The following PTPN21 variants were observed in gnomAD, a reference collection of about 807,000 sequenced individuals.
PTPN21 encodes protein tyrosine phosphatase non-receptor type 21, also known as tyrosine-protein phosphatase non-receptor type 21.
Under a neutral mutation model 131.8 loss-of-function variants are expected in PTPN21, and 77 were observed. The observed-to-expected ratio is 0.58, with a 90% CI of 0.49 to 0.71. PTPN21 has a LOEUF of 0.71. PTPN21 is among the 30% of genes least tolerant of loss of function. The pLI is 0.00. For synonymous variants in PTPN21, 715 were observed against 621.3 expected (o/e 1.15, Z -2.24); for missense variants, 1,552 against 1,527.1 (o/e 1.02, Z -0.27).
At chr14:88,501,111 G>T in intron 7 of PTPN21, 170 bp downstream of exon 7, 1 of 702,880 alleles carries the variant, frequency 1.4e-6, no homozygotes, top group Admixed American at 2.7e-5. Context: ...ACCACAAAAT[G>T]GGAATGTGTT....
chr14:88,513,206 C>T (rs1410544595), intron 3 of PTPN21, among the ~76,000 whole-genome samples: 2 of 152,204 alleles, frequency 1.3e-5, no homozygotes, highest in East Asian at 3.9e-4. Flanking sequence ...TCACCGTCGC[C>T]CAGGCTGGAG....
At chr14:88,470,810 G>T (rs1258750335) in intron 15 of PTPN21, among the ~76,000 whole-genome samples, 1 of 152,220 alleles carries the variant, frequency 6.6e-6, no homozygotes, top group Non-Finnish European at 1.5e-5. Context: ...TAGGGAGGAG[G>T]AGGGGACTAG....
chr14:88,508,152 T>TG, intron 3 of PTPN21, 132 bp from the exon 4 acceptor site: 1 of 167,100 alleles, frequency 6.0e-6, no homozygotes. Flanking sequence ...TTGTGTGTGT[T>TG]TTTTTTTTTT....
chr14:88,469,876 G>A lies in PTPN21; in HGVS notation c.3000+46C>T. 1.2e-6 allele frequency: 2 copies of A among 1,612,018 alleles called. No homozygotes were observed. The highest frequency in any genetic ancestry group is 1.7e-6 in the Non-Finnish European group (2 of 1,178,424). On this transcript the variant is annotated intron_variant, in intron 16 of 18. Transcript: ENST00000556564. This position sits in a 1 kb window ranked among gnomAD's most constrained non-coding sequence, Gnocchi z 4.3. ...GGATTCCAGATGATTAACATTAACT[G>A]TTCTTCAGAGGCTGAGAAAATCACT...
chr14:88,475,585 T>C (rs950944764), intron 13 of PTPN21, among the ~76,000 whole-genome samples: 3 of 152,200 alleles, frequency 2.0e-5, no homozygotes, highest in African/African-American at 2.4e-5. Flanking sequence ...AGGCTGAAAT[T>C]TAATGATTCT....
rs530284783 is a variant in PTPN21 at position 88,514,755 on chromosome 14, C to T, written c.350+2337G>A. ...CTGGGATTACAGGTGTGAGCCACCA[C>T]GCCTGGCCCTCCCCCTTTGTTTTCT... On this transcript the variant is annotated intron_variant, in intron 3 of 18. Coordinates refer to ENST00000556564, the MANE Select transcript of PTPN21 (RefSeq NM_007039.4). 4.6e-5 allele frequency among the ~76,000 whole-genome samples: 7 copies of T among 151,712 alleles called. No homozygotes were observed. The South Asian group carries it at 1.0e-3, about 23-fold the overall frequency.
At chr14:88,553,368 A>T (rs2078890507) in intron 1 of PTPN21, among the ~76,000 whole-genome samples, 1 of 152,164 alleles carries the variant, frequency 6.6e-6, no homozygotes, top group African/African-American at 2.4e-5. Context: ...AATAATTTAC[A>T]AATTTATCAA....
chr14:88,536,869 G>C (rs1396570133), intron 2 of PTPN21, among the ~76,000 whole-genome samples: 1 of 152,088 alleles, frequency 6.6e-6, no homozygotes, highest in Non-Finnish European at 1.5e-5. Flanking sequence ...GTCTATCCCG[G>C]GAAGAGATCA....
intron 3 of PTPN21, among the ~76,000 whole-genome samples, chr14:88,516,019 C>T (rs2078263088): frequency 6.6e-6 from 1 of 152,180 alleles, no homozygotes; most frequent in South Asian, 2.1e-4. Context: ...AACTGGCAGA[C>T]TCAAACAGCA....
chr14:88,543,076 A>G (rs933739717), intron 2 of PTPN21, among the ~76,000 whole-genome samples: 1 of 152,222 alleles, frequency 6.6e-6, no homozygotes, highest in Non-Finnish European at 1.5e-5. Flanking sequence ...GTCTACTCAG[A>G]TAACAGTCAA....
intron 10 of PTPN21, among the ~76,000 whole-genome samples, chr14:88,486,977 C>CAAAAA (rs1198956976): frequency 1.8e-5 from 1 of 54,636 alleles, no homozygotes; most frequent in African/African-American, 5.8e-5. Context: ...ATTCTAGCCT[C>CAAAAA]AAAAAAAAAA....
At chr14:88,492,737 C>T (rs1293399584) in intron 10 of PTPN21, among the ~76,000 whole-genome samples, 1 of 152,188 alleles carries the variant, frequency 6.6e-6, no homozygotes, top group Non-Finnish European at 1.5e-5. Context: ...TAGACTTTGC[C>T]TCCACCCCAT....
chr14:88,550,174 A>G, intron 2 of PTPN21, 64 bp downstream of exon 2: 1 of 1,512,174 alleles, frequency 6.6e-7, no homozygotes, highest in East Asian at 2.3e-5. Flanking sequence ...TCGGCCTCTC[A>G]AAGTGCTGGG....
At chr14:88,472,999 T>C (rs2077494310) in intron 14 of PTPN21, among the ~76,000 whole-genome samples, 1 of 152,184 alleles carries the variant, frequency 6.6e-6, no homozygotes, top group South Asian at 2.1e-4. Context: ...CTAAAGAAAT[T>C]TGTTGAATTC....
At chr14:88,504,860 GC>G (rs772545587) in intron 5 of PTPN21, among the ~76,000 whole-genome samples, 24 of 152,204 alleles carry the variant, frequency 1.6e-4, no homozygotes, top group Non-Finnish European at 2.9e-4. Context: ...TTGTTGCAAT[GC>G]AGTTTCCATG....
chr14:88,520,583 T>C (rs1420713642), intron 2 of PTPN21, among the ~76,000 whole-genome samples: 1 of 152,224 alleles, frequency 6.6e-6, no homozygotes, highest in Non-Finnish European at 1.5e-5. Context: ...CATACATTTA[T>C]AGAAAACAAG....
At chr14:88,506,986 T>C (rs1236803391) in intron 4 of PTPN21, among the ~76,000 whole-genome samples, 1 of 151,484 alleles carries the variant, frequency 6.6e-6, no homozygotes, top group South Asian at 2.1e-4. Flanking sequence ...GCGGAGGAGG[T>C]TGCAGTGAGC....
chr14:88,520,896 T>A (rs571857963), intron 2 of PTPN21, among the ~76,000 whole-genome samples: 1 of 151,856 alleles, frequency 6.6e-6, no homozygotes, highest in Non-Finnish European at 1.5e-5. Flanking sequence ...CAGGCGGGAG[T>A]GTACTGACAT....
chr14:88,491,340 A>C (rs536156475), intron 10 of PTPN21, among the ~76,000 whole-genome samples: 2 of 152,280 alleles, frequency 1.3e-5, no homozygotes, highest in South Asian at 4.1e-4. Context: ...ACTGGGGGTA[A>C]AGGGGACACC....
Sources: gnomAD v4.1 joint callset for allele counts (sites outside exome capture counted in the v4.1 genomes callset) on GRCh38, gnomAD v4.1.1 for gene constraint, Gnocchi (gnomAD v3.1) non-coding constraint, MANE v1.5 for transcripts, NCBI Gene and HGNC (gene_info 2026-07-23, HGNC 2026-07-21) for gene names.